The following JRKL variants were observed in gnomAD, a reference collection of about 807,000 sequenced individuals.
JRKL encodes jerky protein homolog-like.
JRKL carries 25 observed loss-of-function variants against 34.7 expected under a neutral mutation model. The observed-to-expected ratio is 0.72, with a 90% CI of 0.53 to 1.01. The LOEUF is 1.01. Ranked by LOEUF, JRKL falls within the 50% of genes least tolerant of loss-of-function variation. The pLI is 0.00. For synonymous variants in JRKL, 204 were observed against 212.8 expected, an observed-to-expected ratio of 0.96 and a Z score of 0.36; for missense variants, 495 against 615.7, an observed-to-expected ratio of 0.80 and a Z score of 2.07.
chr11:96,391,974 A>C lies in JRKL; in HGVS notation c.1325A>C (p.Glu442Ala). The change falls in exon 2 of 2, where the codon GAA becomes GCA. Residue 442 changes from glutamate (E) to alanine (A), a missense_variant. Physicochemically the swap from Glu to Ala is moderately radical, Grantham distance 107. Coordinates refer to ENST00000332349, the MANE Select transcript of JRKL (RefSeq NM_001261833.2). The part of the protein sequence containing the change: ...LEVDSTEPGY[E>A]VLTDSEIIRR... ...GTAGACAGTACTGAACCAGGCTATGAAGTGTTAACTGATAGCGAAATCATC... is the reference window on the plus strand; with the variant it reads ...GTAGACAGTACTGAACCAGGCTATGCAGTGTTAACTGATAGCGAAATCATC... 6.2e-7 allele frequency: 1 copy of C among 1,614,138 alleles called. No homozygotes were observed. Among genetic ancestry groups the C allele is most frequent in the Non-Finnish European group, 8.5e-7 (1 of 1,180,030 alleles).
Position 96,390,500 on chromosome 11 carries a change from C to A in JRKL, c.-150C>A. ...TTCTGCAGTCTATTTGCCAGCCAAC[C>A]CCAGCCCGGGAGGGGATCAGGGCCA... On this transcript the variant is annotated 5_prime_UTR_variant, in exon 2 of 2. Coordinates refer to ENST00000332349, the MANE Select transcript of JRKL (RefSeq NM_001261833.2). 1.1e-6 allele frequency: 1 copy of A among 946,898 alleles called. No homozygotes were observed. Among genetic ancestry groups the A allele is most frequent in the Non-Finnish European group, 1.5e-6 (1 of 667,402 alleles). The allele number at this position is 946,898 out of a possible 1,614,324, so 58.7% of individuals were successfully genotyped here.
rs1866549788 is a variant in JRKL, at chr11:96,391,856, G to A, written c.1207G>A (p.Glu403Lys). 2 of 1,614,164 alleles carry A rather than the reference G, an allele frequency of 1.2e-6. No individual in the cohort carries two copies. The highest frequency in any genetic ancestry group is 1.7e-6 in the Non-Finnish European group (2 of 1,180,018). Reference protein sequence around the residue: ...EEKESLDFDVEDISVATVAAI... With the variant: ...EEKESLDFDVKDISVATVAAI... ...GAAAGAGAGCCTGGACTTTGATGTTGAAGATATTTCTGTGGCTACTGTGGC... is the reference window on the plus strand; with the variant it reads ...GAAAGAGAGCCTGGACTTTGATGTTAAAGATATTTCTGTGGCTACTGTGGC... The change falls in exon 2 of 2, where the codon GAA (glutamate) becomes AAA (lysine). Residue 403 changes from glutamate to lysine, a missense_variant. Coordinates refer to ENST00000332349, the MANE Select transcript of JRKL (RefSeq NM_001261833.2).
chr11:96,390,875 T>C lies in JRKL; in HGVS notation c.226T>C (p.Tyr76His). The change falls in exon 2 of 2, where the codon TAT (tyrosine) becomes CAT (histidine). Residue 76 changes from tyrosine to histidine, a missense_variant. Tyr to His is a moderately conservative substitution (Grantham distance 83). Transcript: ENST00000332349. ...AKRKSMKPSM[Y>H]EELDRAMLEW... ...GAGGAAATCTATGAAGCCATCCATG[T>C]ATGAGGAATTGGACAGGGCAATGCT... is the stretch of plus-strand genomic sequence containing the variant. 1 of 1,614,120 alleles carries C rather than the reference T, an allele frequency of 6.2e-7. No homozygotes were observed. Among genetic ancestry groups the C allele is most frequent in the Non-Finnish European group, 8.5e-7 (1 of 1,180,024 alleles).
At position 96,392,343 on chromosome 11, in the gene JRKL, T is replaced by G; in HGVS notation, c.*119T>G. 2 of 1,401,398 alleles carry G rather than the reference T, an allele frequency of 1.4e-6. No individual in the cohort carries two copies. Among genetic ancestry groups the G allele is most frequent in the Non-Finnish European group, 1.9e-6 (2 of 1,061,856 alleles). The allele number at this position is 1,401,398 out of a possible 1,614,324, so 86.8% of individuals were successfully genotyped here. On this transcript the variant is annotated 3_prime_UTR_variant, in exon 2 of 2. Transcript: ENST00000332349. Reference sequence around the variant, plus strand: ...GGTCCTGTGAAATACAGGCACAAAATGTATCTGAAGTGGTTTGAGGATTAT... The same window carrying G: ...GGTCCTGTGAAATACAGGCACAAAAGGTATCTGAAGTGGTTTGAGGATTAT...
In JRKL at chr11:96,392,404, T is replaced by G. The variant is rs1429513196; in HGVS notation, c.*180T>G. Reference sequence around the variant, plus strand: ...CATCTGTGTCTTTTGTCCTTTTATTTGTACAGATAATCAGAAGATGATACT... The same window carrying G: ...CATCTGTGTCTTTTGTCCTTTTATTGGTACAGATAATCAGAAGATGATACT... On this transcript the variant is annotated 3_prime_UTR_variant, in exon 2 of 2. Transcript: ENST00000332349. The G allele has an allele frequency of 3.4e-6, 3 of 876,250 alleles. No individual in the cohort carries two copies. In the African/African-American group the frequency reaches 5.1e-5, roughly 15 times the overall value. The allele number at this position is 876,250 out of a possible 1,614,324, so 54.3% of individuals were successfully genotyped here.
In JRKL at chr11:96,391,263, T is replaced by C. The variant is rs140755982; in HGVS notation, c.614T>C (p.Ile205Thr). The C allele has an allele frequency of 5.2e-6, 8 of 1,551,688 alleles. No individual in the cohort carries two copies. Among genetic ancestry groups the C allele is most frequent in the Non-Finnish European group, 7.0e-6 (8 of 1,147,004 alleles). Residue 205 changes from isoleucine (I) to threonine (T), a missense_variant, in exon 2 of 2, where the codon ATT (isoleucine) becomes ACT (threonine). By Grantham distance (89) the Ile-to-Thr change is moderately conservative. Transcript: ENST00000332349. ...GKCTVPGHKS[I>T]EERVTIMCCA... is the part of the protein sequence containing the mutation. ...TGCACTGTCCCTGGGCACAAATCAA[T>C]TGAAGAAAGAGTCACAATCATGTGT...
chr11:96,391,002 AT>A lies in JRKL; in HGVS notation c.357del (p.Phe119LeufsTer8), dbSNP rs1866517900. 6.2e-7 allele frequency: 1 copy of A among 1,614,110 alleles called. No homozygotes were observed. Among genetic ancestry groups the A allele is most frequent in the Non-Finnish European group, 8.5e-7 (1 of 1,180,042 alleles). On this transcript the variant is annotated frameshift_variant, in exon 2 of 2. Coordinates refer to ENST00000332349, the MANE Select transcript of JRKL (RefSeq NM_001261833.2). LOFTEE classifies it high-confidence loss of function. ...FFFYALGMDG[D>X]FNPSAGWLTR... ...TTTTATGCTTTGGGAATGGATGGTG[AT>A]TTTAACCCCTCTGCCGGTTGGCTAA... is the stretch of plus-strand genomic sequence containing the variant.
Position 96,392,958 on chromosome 11 carries a change from G to C in JRKL, c.*734G>C, listed in dbSNP as rs1038163503. ...TTATTTATACAAAGGGAATAAATAG[G>C]CTGATTTTAATTTGGTAAGTTGATC... On this transcript the variant is annotated 3_prime_UTR_variant, in exon 2 of 2. Transcript: ENST00000332349. 6.0e-6 allele frequency: 1 copy of C among 166,552 alleles called. No individual in the cohort carries two copies. The highest frequency in any genetic ancestry group is 2.1e-4 in the South Asian group (1 of 4,824). The allele number at this position is 166,552 out of a possible 1,614,324, so 10.3% of individuals were successfully genotyped here.
At position 96,392,184 on chromosome 11, in the gene JRKL, C is replaced by T. The variant is rs780160872; in HGVS notation, c.1535C>T (p.Thr512Ile). 1.3e-6 allele frequency: 2 copies of T among 1,599,048 alleles called. No individual in the cohort carries two copies. Among genetic ancestry groups the T allele is most frequent in the Admixed American group, 1.8e-5 (1 of 56,898 alleles). ...CTGGTAATACGTAAACTTCGAGCCA[C>T]CATCAGAAATAAACAGAAGATGACA... The part of the protein sequence containing the change: ...DRLVIRKLRA[T>I]IRNKQKMTKS... Residue 512 changes from threonine (T) to isoleucine (I), a missense_variant, in exon 2 of 2, where the codon ACC becomes ATC. Thr to Ile is a moderately conservative substitution (Grantham distance 89). Coordinates refer to ENST00000332349, the MANE Select transcript of JRKL (RefSeq NM_001261833.2).
In JRKL at chr11:96,390,505, C is replaced by T; in HGVS notation, c.-145C>T. On this transcript the variant is annotated 5_prime_UTR_variant, in exon 2 of 2. Coordinates refer to ENST00000332349, the MANE Select transcript of JRKL (RefSeq NM_001261833.2). ...CAGTCTATTTGCCAGCCAACCCCAG[C>T]CCGGGAGGGGATCAGGGCCACCAGG... The T allele has an allele frequency of 9.9e-7, 1 of 1,014,680 alleles. No homozygotes were observed. The highest frequency in any genetic ancestry group is 1.4e-6 in the Non-Finnish European group (1 of 726,456). The allele number at this position is 1,014,680 out of a possible 1,614,324, so 62.9% of individuals were successfully genotyped here. A position where few individuals can be genotyped will look rare whatever the true frequency, so the allele number is the denominator to read the frequency against.
In JRKL at chr11:96,392,121, A is replaced by G; in HGVS notation, c.1472A>G (p.Tyr491Cys). The stretch of plus-strand genomic sequence containing the variant: ...CAGTGGACTGAAAATTTATTGGATT[A>G]TCTAGAACAACAAGGTGATATGATT... ...ALQWTENLLDYLEQQGDMILP... is the reference protein window; with the variant it reads ...ALQWTENLLDCLEQQGDMILP... The change falls in exon 2 of 2, where the codon TAT (tyrosine) becomes TGT (cysteine). Residue 491 changes from tyrosine to cysteine, a missense_variant. Transcript: ENST00000332349. 6.2e-7 allele frequency: 1 copy of G among 1,614,056 alleles called. No individual in the cohort carries two copies. The highest frequency in any genetic ancestry group is 8.5e-7 in the Non-Finnish European group (1 of 1,179,930).
In JRKL at chr11:96,390,765, AAAC is replaced by A; in HGVS notation, c.121_123del (p.Thr41del). 2.5e-6 allele frequency: 4 copies of A among 1,613,858 alleles called. No homozygotes were observed. The highest frequency in any genetic ancestry group is 3.4e-6 in the Non-Finnish European group (4 of 1,179,948). On this transcript the variant is annotated inframe_deletion, in exon 2 of 2. Coordinates refer to ENST00000332349, the MANE Select transcript of JRKL (RefSeq NM_001261833.2). ...CTGGCAGTGATTTATGGAATTGGTG[AAAC>A]AACAGTTCGGGATATAAGAAAAAAT...
At position 96,391,011 on chromosome 11, in the gene JRKL, C is replaced by G. The variant is rs1866518029; in HGVS notation, c.362C>G (p.Pro121Arg). ...TTGGGAATGGATGGTGATTTTAACC[C>G]CTCTGCCGGTTGGCTAACTCGTTTT... The part of the protein sequence containing the change: ...YALGMDGDFN[P>R]SAGWLTRFKQ... Residue 121 changes from proline to arginine, a missense_variant, in exon 2 of 2, where the codon CCC (proline) becomes CGC (arginine). Pro to Arg is a moderately radical substitution (Grantham distance 103). Transcript: ENST00000332349. The G allele has an allele frequency of 1.9e-6, 3 of 1,614,114 alleles. No homozygotes were observed. Among genetic ancestry groups the G allele is most frequent in the East Asian group, 4.5e-5 (2 of 44,882 alleles).
Position 96,391,032 on chromosome 11 carries a change from G to A in JRKL, c.383G>A (p.Arg128His), listed in dbSNP as rs769442078. The change falls in exon 2 of 2, where the codon CGT (arginine) becomes CAT (histidine). Residue 128 changes from arginine to histidine, a missense_variant. Coordinates refer to ENST00000332349, the MANE Select transcript of JRKL (RefSeq NM_001261833.2). ...AACCCCTCTGCCGGTTGGCTAACTC[G>A]TTTTAAGCAGCGGCACAGCATTAGA... ...DFNPSAGWLT[R>H]FKQRHSIREI... is the part of the protein sequence containing the mutation. 1.2e-6 allele frequency: 2 copies of A among 1,614,178 alleles called. No homozygotes were observed. The highest frequency in any genetic ancestry group is 1.7e-6 in the Non-Finnish European group (2 of 1,180,020).
At position 96,393,100 on chromosome 11, in the gene JRKL, T is replaced by A. The variant is rs1866569211; in HGVS notation, c.*876T>A. 1 of 165,354 alleles carries A rather than the reference T, an allele frequency of 6.0e-6. No homozygotes were observed. Among genetic ancestry groups the A allele is most frequent in the South Asian group, 2.1e-4 (1 of 4,798 alleles). 10.2% of individuals were successfully genotyped at this position (165,354 alleles called of 1,614,324 possible). On this transcript the variant is annotated 3_prime_UTR_variant, in exon 2 of 2. Coordinates refer to ENST00000332349, the MANE Select transcript of JRKL (RefSeq NM_001261833.2). ...AGCTCCCACCTTATATGGGGGAACATCTTGGGAATTTGAGATTTAATAAGT... is the reference window on the plus strand; with the variant it reads ...AGCTCCCACCTTATATGGGGGAACAACTTGGGAATTTGAGATTTAATAAGT...
chr11:96,392,944 A>C lies in JRKL; in HGVS notation c.*720A>C. The C allele has an allele frequency of 6.0e-6, 1 of 166,874 alleles. No individual in the cohort carries two copies. The allele number at this position is 166,874 out of a possible 1,614,324, so 10.3% of individuals were successfully genotyped here. A position where few individuals can be genotyped will look rare whatever the true frequency, so the allele number is the denominator to read the frequency against. On this transcript the variant is annotated 3_prime_UTR_variant, in exon 2 of 2. Transcript: ENST00000332349. ...TGGGGAACTTTAGGTTATTTATACAAAGGGAATAAATAGGCTGATTTTAAT... is the reference window on the plus strand; with the variant it reads ...TGGGGAACTTTAGGTTATTTATACACAGGGAATAAATAGGCTGATTTTAAT...
Position 96,390,771 on chromosome 11 carries a change from C to A in JRKL, c.122C>A (p.Thr41Lys), listed in dbSNP as rs1866507407. 1 of 1,613,588 alleles carries A rather than the reference C, an allele frequency of 6.2e-7. No homozygotes were observed. Among genetic ancestry groups the A allele is most frequent in the African/African-American group, 1.3e-5 (1 of 74,842 alleles). Residue 41 changes from threonine (T) to lysine (K), a missense_variant, in exon 2 of 2, where the codon ACA becomes AAA. By Grantham distance (78) the Thr-to-Lys change is moderately conservative. Coordinates refer to ENST00000332349, the MANE Select transcript of JRKL (RefSeq NM_001261833.2). ...LAVIYGIGET[T>K]VRDIRKNKEK... is the part of the protein sequence containing the mutation. ...GTGATTTATGGAATTGGTGAAACAA[C>A]AGTTCGGGATATAAGAAAAAATAAG... is the stretch of plus-strand genomic sequence containing the variant.
Position 96,391,364 on chromosome 11 carries a change from TC to T in JRKL, c.716del (p.Ser239Ter). ...AGCAAAGAAACCTCGCTCCTTTAAA[TC>T]AACTGACACCTTAAACCTGCCAGTC... is the stretch of plus-strand genomic sequence containing the variant. ...GKAKKPRSFK[S>X]TDTLNLPVSY... On this transcript the variant is annotated frameshift_variant, in exon 2 of 2. Transcript: ENST00000332349. LOFTEE classifies it high-confidence loss of function. The T allele has an allele frequency of 6.4e-7, 1 of 1,551,680 alleles. No homozygotes were observed. The highest frequency in any genetic ancestry group is 8.7e-7 in the Non-Finnish European group (1 of 1,146,992).
chr11:96,392,704 CA>C lies in JRKL; in HGVS notation c.*485del, dbSNP rs1866563812. 6.0e-6 allele frequency: 1 copy of C among 166,752 alleles called. No homozygotes were observed. The highest frequency in any genetic ancestry group is 2.4e-5 in the African/African-American group (1 of 41,352). The allele number at this position is 166,752 out of a possible 1,614,324, so 10.3% of individuals were successfully genotyped here. On this transcript the variant is annotated 3_prime_UTR_variant, in exon 2 of 2. Transcript: ENST00000332349. ...GATTTCAGGATGATTTATAATAATT[CA>C]AAAATGAAATTCAATAATGGGGAAA...
Sources: gnomAD v4.1 joint callset for allele counts on GRCh38, gnomAD v4.1.1 for gene constraint, MANE v1.5 for transcripts, NCBI Gene and HGNC (gene_info 2026-07-23, HGNC 2026-07-21) for gene names.